The following TRIM44 variants were observed in gnomAD, a reference collection of about 807,000 sequenced individuals.
The protein encoded by TRIM44 is tripartite motif containing 44.
Under a neutral mutation model 37.4 loss-of-function variants are expected in TRIM44, and 13 were observed. That is an observed-to-expected ratio of 0.35 (90% CI 0.23 to 0.55). The LOEUF is 0.55. Ranked by LOEUF, TRIM44 falls within the 20% of genes least tolerant of loss-of-function variation. The pLI is 0.89. For synonymous variants in TRIM44, 175 were observed against 157.2 expected, an observed-to-expected ratio of 1.11 and a Z score of -0.85; for missense variants, 426 against 437.2, an observed-to-expected ratio of 0.97 and a Z score of 0.23.
At chr11:35,756,700 G>C (rs1228862059) in intron 4 of TRIM44, among the ~76,000 whole-genome samples, 1 of 152,120 alleles carries the variant, frequency 6.6e-6, no homozygotes, top group Non-Finnish European at 1.5e-5. Context: ...AATTTATTGA[G>C]AGTTTTTAGC....
At position 35,704,386 on chromosome 11, in the gene TRIM44, A is replaced by T. The variant is rs572262887; in HGVS notation, c.747+19050A>T. Among the ~76,000 whole-genome samples the T allele has an allele frequency of 1.3e-3, 198 of 152,330 alleles. No individual in the cohort carries two copies. In the Middle Eastern group the frequency reaches 0.017, roughly 13 times the overall value. ...CCCCAATCTAGCAAGGCAGGCCAACATTCAGATTCAGGAAATACAGGGAAC... is the reference window on the plus strand; with the variant it reads ...CCCCAATCTAGCAAGGCAGGCCAACTTTCAGATTCAGGAAATACAGGGAAC... On this transcript the variant is annotated intron_variant, in intron 2 of 4. Coordinates refer to ENST00000299413, the MANE Select transcript of TRIM44 (RefSeq NM_017583.6).
Position 35,796,894 on chromosome 11 carries a change from C to T in TRIM44, c.1008-9464C>T, listed in dbSNP as rs148462492. Among the ~76,000 whole-genome samples the T allele has an allele frequency of 1.8e-3, 281 of 152,288 alleles. 2 individuals are homozygous for T. Among genetic ancestry groups the T allele is most frequent in the African/African-American group, 6.5e-3 (270 of 41,550 alleles). On this transcript the variant is annotated intron_variant, in intron 4 of 4. Transcript: ENST00000299413. ...CACTGTATCCCATGCCAGGTCATCT[C>T]CCTGCAGACACTTTGAAATTGCCCC...
intron 4 of TRIM44, among the ~76,000 whole-genome samples, chr11:35,761,232 G>C (rs906029341): frequency 1.3e-5 from 2 of 152,030 alleles, no homozygotes; most frequent in African/African-American, 4.8e-5. Context: ...CTTGGCTATT[G>C]CAAGTATAAT....
chr11:35,776,585 T>C lies in TRIM44; in HGVS notation c.1008-29773T>C, dbSNP rs1852966194. ...ATTTTAGATCTTTCCTGCTTTCTCT[T>C]GTGGGCATTTAGTGCTATAAATTTC... On this transcript the variant is annotated intron_variant, in intron 4 of 4. Transcript: ENST00000299413. 2.0e-5 allele frequency among the ~76,000 whole-genome samples: 3 copies of C among 152,226 alleles called. No homozygotes were observed. In the South Asian group the frequency reaches 6.2e-4, roughly 31 times the overall value.
At chr11:35,706,351 C>T (rs1470570871) in intron 2 of TRIM44, among the ~76,000 whole-genome samples, 3 of 152,074 alleles carry the variant, frequency 2.0e-5, no homozygotes, top group East Asian at 1.9e-4. Flanking sequence ...TAAATGGTAC[C>T]GTTCCTTCTG....
At position 35,770,888 on chromosome 11, in the gene TRIM44, C is replaced by G. The variant is rs542241188; in HGVS notation, c.1007+35443C>G. Among the ~76,000 whole-genome samples the G allele has an allele frequency of 5.9e-5, 9 of 152,238 alleles. No individual in the cohort carries two copies. The South Asian group carries it at 6.2e-4, about 11-fold the overall frequency. The stretch of plus-strand genomic sequence containing the variant: ...TCTTGCCACCACCGTGTAAGAGGTA[C>G]CTTTTGCCTCCTGCCGTGAATCTGA... On this transcript the variant is annotated intron_variant, in intron 4 of 4. Coordinates refer to ENST00000299413, the MANE Select transcript of TRIM44 (RefSeq NM_017583.6).
intron 4 of TRIM44, among the ~76,000 whole-genome samples, chr11:35,803,766 CTTATATACAAAGT>C (rs1253260384): frequency 1.1e-4 from 17 of 152,042 alleles, no homozygotes; most frequent in Admixed American, 1.1e-3. Flanking sequence ...CATAGATGAG[CTTATATACAAAGT>C]TTATATACAA....
intron 3 of TRIM44, among the ~76,000 whole-genome samples, chr11:35,735,002 T>C (rs911784261): frequency 1.3e-5 from 2 of 152,214 alleles, no homozygotes; most frequent in Admixed American, 1.3e-4. Flanking sequence ...TGTTCATGTT[T>C]GATGAAAAAT....
chr11:35,703,837 C>CT (rs1277171744), intron 2 of TRIM44, among the ~76,000 whole-genome samples: 5 of 152,184 alleles, frequency 3.3e-5, no homozygotes, highest in Non-Finnish European at 7.3e-5. Flanking sequence ...ACTGGAAACT[C>CT]TAAAAAGTAG....
chr11:35,668,776 A>G (rs910999210), intron 1 of TRIM44, among the ~76,000 whole-genome samples: 1 of 152,208 alleles, frequency 6.6e-6, no homozygotes, highest in Admixed American at 6.5e-5. Flanking sequence ...ATTTTTGACT[A>G]TGGACTCAAT....
At chr11:35,780,298 G>A (rs1328897187) in intron 4 of TRIM44, among the ~76,000 whole-genome samples, 1 of 152,128 alleles carries the variant, frequency 6.6e-6, no homozygotes, top group Non-Finnish European at 1.5e-5. Context: ...TTGATGTAAG[G>A]TTAAGAAGAG....
intron 4 of TRIM44, among the ~76,000 whole-genome samples, chr11:35,800,454 C>T (rs1372829280): frequency 1.3e-5 from 2 of 152,054 alleles, no homozygotes; most frequent in Admixed American, 6.5e-5. Context: ...AGCACTGATT[C>T]GTGCATTTTT....
intron 4 of TRIM44, among the ~76,000 whole-genome samples, chr11:35,793,215 C>T (rs965694850): frequency 6.9e-6 from 1 of 144,950 alleles, no homozygotes; most frequent in Non-Finnish European, 1.5e-5. Flanking sequence ...TTTTAAAAAA[C>T]AAACAACAAA....
intron 2 of TRIM44, among the ~76,000 whole-genome samples, chr11:35,712,866 A>G (rs1279121248): frequency 6.6e-6 from 1 of 152,100 alleles, no homozygotes; most frequent in East Asian, 1.9e-4. Context: ...ATAGTGATAA[A>G]ATCACCCAGA....
chr11:35,809,729 A>G lies in TRIM44; in HGVS notation c.*3344A>G, dbSNP rs910993661. 2 of 152,174 alleles carry G rather than the reference A, an allele frequency of 1.3e-5. No homozygotes were observed. Among genetic ancestry groups the G allele is most frequent in the African/African-American group, 4.8e-5 (2 of 41,434 alleles). 9.4% of individuals were successfully genotyped at this position (152,174 alleles called of 1,614,324 possible). A position where few individuals can be genotyped will look rare whatever the true frequency, so the allele number is the denominator to read the frequency against. On this transcript the variant is annotated 3_prime_UTR_variant, in exon 5 of 5. Transcript: ENST00000299413. Reference sequence around the variant, plus strand: ...TCATATTTTAGTAAACTTAGCCGCCAGTGTACTCTGTGAGGATGTGGCAAT... The same window carrying G: ...TCATATTTTAGTAAACTTAGCCGCCGGTGTACTCTGTGAGGATGTGGCAAT...
intron 4 of TRIM44, among the ~76,000 whole-genome samples, chr11:35,758,787 G>C (rs1852683152): frequency 6.6e-6 from 1 of 152,164 alleles, no homozygotes; most frequent in Non-Finnish European, 1.5e-5. Context: ...ATGAAATTCT[G>C]GGTTGAAAAT....
chr11:35,773,386 C>T (rs532315711), intron 4 of TRIM44, among the ~76,000 whole-genome samples: 1 of 151,970 alleles, frequency 6.6e-6, no homozygotes, highest in South Asian at 2.1e-4. Flanking sequence ...AGATGTTAGA[C>T]CTTTGTCAGA....
chr11:35,803,260 C>T (rs1428001399), intron 4 of TRIM44, among the ~76,000 whole-genome samples: 1 of 146,386 alleles, frequency 6.8e-6, no homozygotes, highest in African/African-American at 2.5e-5. Context: ...TGCCTAACAC[C>T]CTTAGTTTAT....
rs1040568706 is a variant in TRIM44 at position 35,812,348 on chromosome 11, G to A, written c.*5963G>A. 6.6e-6 allele frequency: 1 copy of A among 152,172 alleles called. No individual in the cohort carries two copies. The highest frequency in any genetic ancestry group is 6.5e-5 in the Admixed American group (1 of 15,276). The allele number at this position is 152,172 out of a possible 1,614,324, so 9.4% of individuals were successfully genotyped here. ...TAGAAACAAAAGCAAAAGACTGCTTGAAGTCAGTAACAGACTGCACTAAGT... is the reference window on the plus strand; with the variant it reads ...TAGAAACAAAAGCAAAAGACTGCTTAAAGTCAGTAACAGACTGCACTAAGT... On this transcript the variant is annotated 3_prime_UTR_variant, in exon 5 of 5. Transcript: ENST00000299413.
Sources: gnomAD v4.1 joint callset for allele counts (sites outside exome capture counted in the v4.1 genomes callset) on GRCh38, gnomAD v4.1.1 for gene constraint, MANE v1.5 for transcripts, NCBI Gene and HGNC (gene_info 2026-07-23, HGNC 2026-07-21) for gene names.